CPD: variants seen among roughly 807,000 people sequenced by gnomAD.
CPD encodes metallocarboxypeptidase D.
A neutral mutation model predicts 138.3 loss-of-function variants in CPD; 69 were observed. That is an observed-to-expected ratio of 0.50 (90% CI 0.41 to 0.61). The LOEUF (loss-of-function observed/expected upper bound fraction) is 0.61. Ranked by LOEUF, CPD falls within the 20% of genes least tolerant of loss-of-function variation. CPD has a pLI of 0.00. For missense variants in CPD, 1,432 were observed against 1,733.3 expected (o/e 0.83, Z 3.09); for synonymous variants, 651 against 642.1 (o/e 1.01, Z -0.21).
intron 7 of CPD, among the ~76,000 whole-genome samples, chr17:30,428,959 C>T (rs1454205442): frequency 6.6e-6 from 1 of 151,774 alleles, no homozygotes; most frequent in African/African-American, 2.4e-5. Context: ...CTGGAATATC[C>T]AGAAGTACCA....
At position 30,451,844 on chromosome 17, in the gene CPD, C is replaced by G; in HGVS notation, c.3203C>G (p.Thr1068Arg). 6.2e-7 allele frequency: 1 copy of G among 1,613,660 alleles called. No homozygotes were observed. The change falls in exon 14 of 21, where the codon ACA (threonine) becomes AGA (arginine). Residue 1068 changes from threonine (T) to arginine (R), a missense_variant and splice_region_variant. Thr to Arg is a moderately conservative substitution (Grantham distance 71). This residue lies in a region of CPD where 366 missense variants were observed against 518.8 expected (regional missense o/e 0.71). Coordinates refer to ENST00000225719, the MANE Select transcript of CPD (RefSeq NM_001304.5). ...ARGKDLDTDF[T>R]NNASQPETKA... ...GGCAAAGATTTGGATACAGACTTCACAAGTAAGACTAATTTTTAGGCTACT... is the reference window on the plus strand; with the variant it reads ...GGCAAAGATTTGGATACAGACTTCAGAAGTAAGACTAATTTTTAGGCTACT...
chr17:30,405,024 G>A (rs1328043638), intron 2 of CPD, among the ~76,000 whole-genome samples: 2 of 152,064 alleles, frequency 1.3e-5, no homozygotes, highest in African/African-American at 4.8e-5. Flanking sequence ...GTATGATACT[G>A]TAAACCAAAA....
intron 2 of CPD, among the ~76,000 whole-genome samples, chr17:30,401,303 C>CTCCTCTTCCTCTTCCTCCTCTTCT (rs1555607224): frequency 1.3e-5 from 2 of 151,190 alleles, no homozygotes; most frequent in African/African-American, 4.9e-5. Flanking sequence ...TCTCCTCTTA[C>CTCCTCTTCCTCTTCCTCCTCTTCT]TCCTCTTCCT....
At chr17:30,401,990 A>G (rs561798201) in intron 2 of CPD, among the ~76,000 whole-genome samples, 7 of 127,122 alleles carry the variant, frequency 5.5e-5, no homozygotes, top group Non-Finnish European at 1.2e-4. Flanking sequence ...CTCTCCTGAG[A>G]CTCCAGTGAT....
intron 14 of CPD, 79 bp from the exon 15 acceptor site, chr17:30,455,260 C>A: frequency 1.7e-6 from 2 of 1,182,158 alleles, no homozygotes; most frequent in Non-Finnish European, 2.4e-6. Flanking sequence ...TGATTGTATT[C>A]AAGTAGAGAA....
At chr17:30,385,403 A>G in intron 2 of CPD, 167 bp downstream of exon 2, 2 of 730,798 alleles carry the variant, frequency 2.7e-6, no homozygotes, top group East Asian at 3.1e-5. Flanking sequence ...CTACATGAAG[A>G]CCTATCTGTC....
chr17:30,459,140 G>C lies in CPD; in HGVS notation c.3499-2040G>C, dbSNP rs1597738350. 6.6e-5 allele frequency among the ~76,000 whole-genome samples: 5 copies of C among 75,894 alleles called. No individual in the cohort carries two copies. The South Asian group carries it at 2.0e-3, about 30-fold the overall frequency. 49.8% of individuals were successfully genotyped at this position (75,894 alleles called of 152,430 possible). On this transcript the variant is annotated intron_variant, in intron 17 of 20. Transcript: ENST00000225719. ...GGTCTATATGTTTGCCTTTATGCCAGTATCACTTTTTTTTTTTTTTTTTTG... is the reference window on the plus strand; with the variant it reads ...GGTCTATATGTTTGCCTTTATGCCACTATCACTTTTTTTTTTTTTTTTTTG...
intron 2 of CPD, among the ~76,000 whole-genome samples, chr17:30,395,697 A>G (rs532725017): frequency 2.0e-5 from 3 of 149,934 alleles, no homozygotes; most frequent in Non-Finnish European, 1.5e-5. Flanking sequence ...TGTTTAACTC[A>G]GGTGGTAGAG....
chr17:30,423,724 C>T, intron 6 of CPD, 27 bp downstream of exon 6: 2 of 1,430,984 alleles, frequency 1.4e-6, no homozygotes, highest in East Asian at 5.0e-5. Context: ...AATTCTTAAT[C>T]ATTTGATCAT....
chr17:30,442,327 C>A lies in CPD; in HGVS notation c.2250C>A (p.Asn750Lys). The A allele has an allele frequency of 1.2e-6, 2 of 1,613,052 alleles. No individual in the cohort carries two copies. Among genetic ancestry groups the A allele is most frequent in the Non-Finnish European group, 1.7e-6 (2 of 1,179,306 alleles). ...YNVPGGMQDW[N>K]YLQTNCFEVT... ...TTTTAGGAGGAATGCAGGACTGGAA[C>A]TATTTACAAACAAATTGCTTTGAAG... Residue 750 changes from asparagine to lysine, a missense_variant, in exon 10 of 21, where the codon AAC becomes AAA. Asn to Lys is a moderately conservative substitution (Grantham distance 94). Around this residue, in one of 6 missense-constraint regions of CPD, gnomAD observed 297 missense variants for 405.3 expected, o/e 0.73. Transcript: ENST00000225719.
intron 7 of CPD, among the ~76,000 whole-genome samples, chr17:30,428,814 AC>A: frequency 6.6e-6 from 1 of 152,016 alleles, no homozygotes; most frequent in African/African-American, 2.4e-5. Context: ...TGGTTGTACA[AC>A]CCTGTGAATA....
chr17:30,462,004 C>A lies in CPD; in HGVS notation c.3758C>A (p.Ala1253Glu). ...KEGGYFHVLL[A>E]PGVHNIIAIA... is the part of the protein sequence containing the mutation. Reference sequence around the variant, plus strand: ...GGAGGTTATTTCCATGTACTCTTAGCGCCAGGTGTCCATAACATTATTGCC... The same window carrying A: ...GGAGGTTATTTCCATGTACTCTTAGAGCCAGGTGTCCATAACATTATTGCC... The change falls in exon 19 of 21, where the codon GCG becomes GAG. Residue 1253 changes from alanine (A) to glutamate (E), a missense_variant. By Grantham distance (107) the Ala-to-Glu change is moderately radical. Around this residue, in one of 6 missense-constraint regions of CPD, gnomAD observed 366 missense variants for 518.8 expected, o/e 0.71. Transcript: ENST00000225719. 6.2e-7 allele frequency: 1 copy of A among 1,613,844 alleles called. No homozygotes were observed. The highest frequency in any genetic ancestry group is 8.5e-7 in the Non-Finnish European group (1 of 1,179,858).
chr17:30,430,340 T>C (rs1203311080), intron 7 of CPD, among the ~76,000 whole-genome samples: 8 of 152,192 alleles, frequency 5.3e-5, no homozygotes, highest in African/African-American at 1.9e-4. Flanking sequence ...GTTCTGTCTC[T>C]AGGGATTTAC....
chr17:30,410,145 G>A (rs1207991322), intron 2 of CPD, among the ~76,000 whole-genome samples: 2 of 152,170 alleles, frequency 1.3e-5, no homozygotes, highest in African/African-American at 4.8e-5. Flanking sequence ...AGGTTGTTCA[G>A]TTGCCATGTA....
intron 20 of CPD, among the ~76,000 whole-genome samples, chr17:30,463,728 G>A (rs1190481358): frequency 6.6e-6 from 1 of 152,192 alleles, no homozygotes; most frequent in African/African-American, 2.4e-5. Flanking sequence ...AGAGAAAGTA[G>A]TATATTGGAA....
At chr17:30,435,365 T>C (rs570842629) in intron 8 of CPD, among the ~76,000 whole-genome samples, 1 of 150,688 alleles carries the variant, frequency 6.6e-6, no homozygotes, top group South Asian at 2.1e-4. Context: ...TGATGGTCAG[T>C]TGATTTTTTT....
chr17:30,449,720 A>G lies in CPD; in HGVS notation c.3041A>G (p.Asn1014Ser), dbSNP rs1913116855. ...LLALAEFLCL[N>S]YKKNPAVTQL... ...GCTCTGGCAGAATTTCTCTGCCTGA[A>G]CTACAAAAAGAACCCAGCTGTTACC... is the stretch of plus-strand genomic sequence containing the variant. Residue 1014 changes from asparagine (N) to serine (S), a missense_variant, in exon 13 of 21, where the codon AAC becomes AGC. Asn to Ser is a conservative substitution (Grantham distance 46, BLOSUM62 1). Coordinates refer to ENST00000225719, the MANE Select transcript of CPD (RefSeq NM_001304.5). 1.3e-6 allele frequency: 2 copies of G among 1,578,330 alleles called. No individual in the cohort carries two copies. The highest frequency in any genetic ancestry group is 1.7e-6 in the Non-Finnish European group (2 of 1,170,098).
chr17:30,398,495 A>G (rs1438262619), intron 2 of CPD, among the ~76,000 whole-genome samples: 1 of 152,208 alleles, frequency 6.6e-6, no homozygotes, highest in Non-Finnish European at 1.5e-5. Context: ...AAGCAAATAT[A>G]TTAACTGAAT....
chr17:30,400,299 T>C (rs1431146441), intron 2 of CPD, among the ~76,000 whole-genome samples: 1 of 152,164 alleles, frequency 6.6e-6, no homozygotes, highest in Non-Finnish European at 1.5e-5. Context: ...CTACCTAAAA[T>C]TAATATTTTA....
Sources: gnomAD v4.1 joint callset for allele counts (sites outside exome capture counted in the v4.1 genomes callset) on GRCh38, gnomAD v4.1.1 for gene constraint, gnomAD v4.1.1 regional missense constraint, MANE v1.5 for transcripts, NCBI Gene and HGNC (gene_info 2026-07-23, HGNC 2026-07-21) for gene names.